The following RANBP2 variants were observed in gnomAD, a reference collection of about 807,000 sequenced individuals.
RANBP2 encodes E3 SUMO-protein ligase RanBP2.
In RANBP2, 57 loss-of-function variants were observed where a neutral mutation model predicts 303.6. That is an observed-to-expected ratio of 0.19 (90% CI 0.15 to 0.23). The LOEUF (loss-of-function observed/expected upper bound fraction) is 0.23. Ranked by LOEUF, RANBP2 falls within the 10% of genes least tolerant of loss-of-function variation. The pLI is 1.00. For missense variants in RANBP2, 3,138 were observed against 3,780.8 expected (o/e 0.83, Z 4.46); for synonymous variants, 1,167 against 1,301.5 (o/e 0.90, Z 2.23).
the RANBP2 span, among the ~76,000 whole-genome samples, chr2:109,412,006 T>C: frequency 6.6e-6 from 1 of 152,196 alleles, no homozygotes; most frequent in Non-Finnish European, 1.5e-5. Flanking sequence ...GAATGGGCCC[T>C]GTGGCAGCTC....
the RANBP2 span, among the ~76,000 whole-genome samples, chr2:109,560,408 C>A: frequency 0.048 from 7,314 of 152,174 alleles, 497 homozygotes; most frequent in African/African-American, 0.16. Context: ...CTCCTCCTCC[C>A]TTCTCAAGCT....
chr2:108,783,999 C>T lies in RANBP2; in HGVS notation c.*98C>T, dbSNP rs567498543. 79 of 1,178,556 alleles carry T rather than the reference C, an allele frequency of 6.7e-5. No homozygotes were observed. Among genetic ancestry groups the T allele is most frequent in the African/African-American group, 6.2e-4 (40 of 64,918 alleles). The allele number at this position is 1,178,556 out of a possible 1,614,324, so 73.0% of individuals were successfully genotyped here. ...GTTATGTTCAGCTTTTGAAAATGGACGTTTCCGATTTACAAATGTAAAATT... is the reference window on the plus strand; with the variant it reads ...GTTATGTTCAGCTTTTGAAAATGGATGTTTCCGATTTACAAATGTAAAATT... On this transcript the variant is annotated 3_prime_UTR_variant, in exon 29 of 29. Transcript: ENST00000283195.
the RANBP2 span, among the ~76,000 whole-genome samples, chr2:109,672,500 T>C: frequency 6.6e-6 from 1 of 152,324 alleles, no homozygotes; most frequent in East Asian, 1.9e-4. Context: ...AGGCCAAGGT[T>C]AATAACCAAA....
At chr2:109,276,641 C>G in the RANBP2 span, among the ~76,000 whole-genome samples, 1 of 152,196 alleles carries the variant, frequency 6.6e-6, no homozygotes, top group Non-Finnish European at 1.5e-5. Flanking sequence ...GGCTAAGGCG[C>G]TGGACAAATC....
chr2:109,176,652 G>A, the RANBP2 span, among the ~76,000 whole-genome samples: 2 of 152,136 alleles, frequency 1.3e-5, no homozygotes, highest in African/African-American at 2.4e-5. Flanking sequence ...CAGGAGAATC[G>A]CTTGAACCTG....
the RANBP2 span, among the ~76,000 whole-genome samples, chr2:108,973,021 T>C: frequency 6.6e-6 from 1 of 152,154 alleles, no homozygotes; most frequent in African/African-American, 2.4e-5. Context: ...AGTTTCACTC[T>C]TGTCATCCAG....
the RANBP2 span, among the ~76,000 whole-genome samples, chr2:109,430,514 TCCTCCTCCTC>T: frequency 1.1e-4 from 17 of 151,334 alleles, no homozygotes; most frequent in Non-Finnish European, 1.9e-4. Flanking sequence ...TCTCCCCATC[TCCTCCTCCTC>T]CCTCCTCCTC....
At chr2:108,989,291 A>G in the RANBP2 span, 1 of 152,656 alleles carries the variant, frequency 6.6e-6, no homozygotes, top group African/African-American at 2.4e-5. Flanking sequence ...GGTCTCTCCC[A>G]GCACTGGAGA....
chr2:109,498,508 G>A, the RANBP2 span, among the ~76,000 whole-genome samples: 311 of 152,312 alleles, frequency 2.0e-3, 1 homozygote, highest in South Asian at 3.5e-3. Context: ...TGGCTTCTGC[G>A]CCCCAGGCTC....
At chr2:109,667,415 A>C in the RANBP2 span, 1 of 396,274 alleles carries the variant, frequency 2.5e-6, no homozygotes, top group Non-Finnish European at 4.6e-6. Context: ...TATTCACGGC[A>C]CTAGAACTAT....
At chr2:109,068,734 T>C in the RANBP2 span, among the ~76,000 whole-genome samples, 4 of 152,336 alleles carry the variant, frequency 2.6e-5, no homozygotes, top group Admixed American at 1.3e-4. Context: ...GGAAACTCAC[T>C]TAACCTCTCT....
the RANBP2 span, among the ~76,000 whole-genome samples, chr2:109,149,334 C>T: frequency 1.3e-5 from 2 of 152,188 alleles, no homozygotes; most frequent in South Asian, 2.1e-4. Context: ...GACTTGAGCT[C>T]CTCTACTCCA....
the RANBP2 span, among the ~76,000 whole-genome samples, chr2:109,620,828 G>A: frequency 6.6e-6 from 1 of 152,212 alleles, no homozygotes; most frequent in Admixed American, 6.5e-5. Flanking sequence ...TACTTATTCT[G>A]TGAAATCCCA....
At chr2:108,947,311 G>A in the RANBP2 span, among the ~76,000 whole-genome samples, 2 of 152,184 alleles carry the variant, frequency 1.3e-5, no homozygotes, top group Non-Finnish European at 2.9e-5. Flanking sequence ...TCATGGGCTG[G>A]TGTTGAGTGC....
the RANBP2 span, among the ~76,000 whole-genome samples, chr2:109,425,197 G>T: frequency 6.6e-6 from 1 of 152,228 alleles, no homozygotes; most frequent in Non-Finnish European, 1.5e-5. Flanking sequence ...AGAGAGGTGA[G>T]GAAGCTAAAG....
At chr2:109,599,631 T>C in the RANBP2 span, among the ~76,000 whole-genome samples, 4 of 152,024 alleles carry the variant, frequency 2.6e-5, no homozygotes, top group Admixed American at 2.0e-4. Flanking sequence ...CATTATACCA[T>C]CAAACTCCAA....
At chr2:109,582,183 A>C in the RANBP2 span, among the ~76,000 whole-genome samples, 3 of 152,162 alleles carry the variant, frequency 2.0e-5, no homozygotes, top group African/African-American at 7.2e-5. Flanking sequence ...AGAGAACTAC[A>C]AAACACTGCT....
chr2:108,911,090 G>C, the RANBP2 span: 1 of 1,614,006 alleles, frequency 6.2e-7, no homozygotes, highest in Non-Finnish European at 8.5e-7. Flanking sequence ...TGGAGAGAAG[G>C]CATGAATGAC....
At chr2:109,247,176 A>G in the RANBP2 span, among the ~76,000 whole-genome samples, 1 of 152,196 alleles carries the variant, frequency 6.6e-6, no homozygotes, top group African/African-American at 2.4e-5. Flanking sequence ...GCAGAGGACA[A>G]GGAAGCTATG....
Sources: allele counts gnomAD v4.1 joint callset (sites outside exome capture counted in the v4.1 genomes callset), GRCh38; gene constraint gnomAD v4.1.1; transcripts MANE v1.5; gene names NCBI Gene and HGNC (gene_info 2026-07-23, HGNC 2026-07-21).